Variants in PTPRR observed in about 807,000 individuals in gnomAD.
PTPRR encodes the protein receptor-type tyrosine-protein phosphatase R.
A neutral mutation model predicts 77.2 loss-of-function variants in PTPRR; 38 were observed. The observed-to-expected ratio is 0.49, with a 90% CI of 0.38 to 0.65. The LOEUF (loss-of-function observed/expected upper bound fraction) is 0.65. PTPRR is among the 30% of genes least tolerant of loss of function. The probability of loss-of-function intolerance (pLI) is 0.00; values close to 1 mark genes in which losing one functional copy is unlikely to be tolerated. For synonymous variants in PTPRR, 299 were observed against 283.1 expected (o/e 1.06, Z -0.57); for missense variants, 744 against 799.2 (o/e 0.93, Z 0.83).
intron 5 of PTPRR, among the ~76,000 whole-genome samples, chr12:70,748,890 T>C (rs1472534673): frequency 6.6e-6 from 1 of 152,180 alleles, no homozygotes; most frequent in African/African-American, 2.4e-5. Context: ...AACAAGATAT[T>C]GTAGATGCAA....
At chr12:70,846,027 T>A (rs999032726) in intron 2 of PTPRR, among the ~76,000 whole-genome samples, 2 of 151,838 alleles carry the variant, frequency 1.3e-5, no homozygotes, top group Non-Finnish European at 2.9e-5. Context: ...AGACCAAGAA[T>A]GGAAAATAAA....
Position 70,718,310 on chromosome 12 carries a change from G to C in PTPRR, c.1008-16987C>G, listed in dbSNP as rs376605664. 5.3e-5 allele frequency among the ~76,000 whole-genome samples: 8 copies of C among 152,014 alleles called. No individual in the cohort carries two copies. In the South Asian group the frequency reaches 1.7e-3, roughly 31 times the overall value. ...AGATGGAGTCTTGCTCTGCTGCTGA[G>C]GTTGGAGTGCAATAGCACGATCTCA... is the stretch of plus-strand genomic sequence containing the variant. On this transcript the variant is annotated intron_variant, in intron 6 of 13. Transcript: ENST00000283228.
intron 6 of PTPRR, among the ~76,000 whole-genome samples, chr12:70,720,824 T>G (rs1889224255): frequency 6.6e-6 from 1 of 152,130 alleles, no homozygotes; most frequent in Non-Finnish European, 1.5e-5. Flanking sequence ...GGCCCTAGGA[T>G]ATTATCCTAT....
At chr12:70,863,674 T>TGTTTC (rs753984105) in intron 2 of PTPRR, among the ~76,000 whole-genome samples, 1,584 of 152,252 alleles carry the variant, frequency 0.01, 16 homozygotes, top group Non-Finnish European at 0.018. Flanking sequence ...ATGAACCAAT[T>TGTTTC]ATCTATTGTT....
At chr12:70,717,637 C>T (rs892467820) in intron 6 of PTPRR, among the ~76,000 whole-genome samples, 2 of 152,164 alleles carry the variant, frequency 1.3e-5, no homozygotes, top group African/African-American at 4.8e-5. Context: ...AAAGTCAATA[C>T]AAGACACAGG....
At chr12:70,655,858 T>C (rs1331664618) in intron 13 of PTPRR, among the ~76,000 whole-genome samples, 1 of 152,164 alleles carries the variant, frequency 6.6e-6, no homozygotes, top group Non-Finnish European at 1.5e-5. Flanking sequence ...CACTTACAAA[T>C]GGTTAGGATG....
intron 13 of PTPRR, among the ~76,000 whole-genome samples, chr12:70,646,066 C>T (rs964149703): frequency 6.6e-6 from 1 of 152,188 alleles, no homozygotes; most frequent in Admixed American, 6.5e-5. Flanking sequence ...AACAATGAAA[C>T]TTATGCTCCT....
At chr12:70,719,871 A>G (rs117725482) in intron 6 of PTPRR, among the ~76,000 whole-genome samples, 3,144 of 152,316 alleles carry the variant, frequency 0.021, 44 homozygotes, top group Non-Finnish European at 0.032. Flanking sequence ...AAATCTTACA[A>G]TGGCAACAAG....
chr12:70,705,077 G>A (rs1888568605), intron 6 of PTPRR, among the ~76,000 whole-genome samples: 2 of 152,054 alleles, frequency 1.3e-5, no homozygotes, highest in Non-Finnish European at 2.9e-5. Flanking sequence ...TTAGGGAAAG[G>A]TAAAAGGAAT....
chr12:70,820,747 A>C (rs1416978949), intron 2 of PTPRR, among the ~76,000 whole-genome samples: 1 of 152,266 alleles, frequency 6.6e-6, no homozygotes, highest in East Asian at 1.9e-4. Flanking sequence ...GTATCTTATC[A>C]CTTTCATTTT....
chr12:70,707,770 C>G (rs1186363356), intron 6 of PTPRR, among the ~76,000 whole-genome samples: 1 of 152,100 alleles, frequency 6.6e-6, no homozygotes, highest in African/African-American at 2.4e-5. Flanking sequence ...AAACTCTCTT[C>G]CTCTTTGGTT....
intron 4 of PTPRR, among the ~76,000 whole-genome samples, chr12:70,757,638 G>GA (rs1003234725): frequency 2.0e-5 from 3 of 151,836 alleles, no homozygotes; most frequent in African/African-American, 7.2e-5. Flanking sequence ...TCAAGCATAT[G>GA]AAAAAACAAT....
At position 70,736,107 on chromosome 12, in the gene PTPRR, C is replaced by T. The variant is rs191775041; in HGVS notation, c.1007+9711G>A. ...CTCACTTTGGCTTCTTTGCTCTATT[C>T]GTGTTCACCTTCCTCTTGGTCATTT... On this transcript the variant is annotated intron_variant, in intron 6 of 13. Transcript: ENST00000283228. 9.4e-4 allele frequency among the ~76,000 whole-genome samples: 143 copies of T among 152,238 alleles called. 1 individual carries two copies. The highest frequency in any genetic ancestry group is 3.3e-3 in the African/African-American group (137 of 41,540).
At chr12:70,782,105 C>G (rs942982556) in intron 2 of PTPRR, among the ~76,000 whole-genome samples, 45 of 152,092 alleles carry the variant, frequency 3.0e-4, no homozygotes, top group African/African-American at 1.1e-3. Context: ...AGGGTAAGAT[C>G]TTGTAGACAA....
At chr12:70,895,097 G>A (rs533962537) in intron 1 of PTPRR, among the ~76,000 whole-genome samples, 9 of 151,690 alleles carry the variant, frequency 5.9e-5, no homozygotes, top group Non-Finnish European at 8.9e-5. Context: ...GAAGGGATAC[G>A]GGTGAAACAG....
intron 6 of PTPRR, among the ~76,000 whole-genome samples, chr12:70,728,613 G>A (rs894817130): frequency 1.4e-5 from 2 of 144,184 alleles, no homozygotes; most frequent in South Asian, 4.3e-4. Flanking sequence ...AAATTCTACA[G>A]TGATCCTTTC....
intron 2 of PTPRR, among the ~76,000 whole-genome samples, chr12:70,867,077 A>G (rs1892865903): frequency 6.6e-6 from 1 of 150,608 alleles, no homozygotes; most frequent in African/African-American, 2.4e-5. Flanking sequence ...ACCCACAGCC[A>G]ATATCATACT....
rs60610777 is a variant in PTPRR at position 70,800,064 on chromosome 12, C to A, written c.358-35286G>T. 9.2e-3 allele frequency among the ~76,000 whole-genome samples: 1,395 copies of A among 152,168 alleles called. 22 individuals are homozygous for A. The highest frequency in any genetic ancestry group is 0.031 in the African/African-American group (1,305 of 41,508). On this transcript the variant is annotated intron_variant, in intron 2 of 13. Coordinates refer to ENST00000283228, the MANE Select transcript of PTPRR (RefSeq NM_002849.4). ...CAGCCAGCATCTGGGAATATGCAAC[C>A]AATGTTGGAAGGCACTTGAGACTGT...
At chr12:70,734,048 A>G (rs1035668514) in intron 6 of PTPRR, among the ~76,000 whole-genome samples, 1 of 152,234 alleles carries the variant, frequency 6.6e-6, no homozygotes, top group Non-Finnish European at 1.5e-5. Flanking sequence ...CTGACACAGT[A>G]TCTAAGATTC....
Sources: gnomAD v4.1 joint callset for allele counts (sites outside exome capture counted in the v4.1 genomes callset) on GRCh38, gnomAD v4.1.1 for gene constraint, MANE v1.5 for transcripts, NCBI Gene and HGNC (gene_info 2026-07-23, HGNC 2026-07-21) for gene names.